NKAIN2: variants seen among roughly 807,000 people sequenced by gnomAD.
NKAIN2 encodes the protein sodium/potassium-transporting ATPase subunit beta-1-interacting protein 2.
Under a neutral mutation model 32.6 loss-of-function variants are expected in NKAIN2, and 14 were observed. That is an observed-to-expected ratio of 0.43 (90% CI 0.28 to 0.67). The LOEUF (loss-of-function observed/expected upper bound fraction) is 0.67. NKAIN2 is among the 30% of genes least tolerant of loss of function. NKAIN2 has a pLI of 0.17. For synonymous variants in NKAIN2, 80 were observed against 87.2 expected (o/e 0.92, Z 0.46); for missense variants, 198 against 258.3 (o/e 0.77, Z 1.60).
Position 123,827,168 on chromosome 6 carries a change from T to G in NKAIN2, c.54+22914T>G, listed in dbSNP as rs577342813. On this transcript the variant is annotated intron_variant, in intron 1 of 6. Transcript: ENST00000368417. Reference sequence around the variant, plus strand: ...ATGGAGAAATGTCTATTCAAGTCCTTTTCTATTTTTTAATCAACTTTTTGT... The same window carrying G: ...ATGGAGAAATGTCTATTCAAGTCCTGTTCTATTTTTTAATCAACTTTTTGT... Among the ~76,000 whole-genome samples the G allele has an allele frequency of 8.8e-4, 134 of 152,272 alleles. 1 individual carries two copies. Among genetic ancestry groups the G allele is most frequent in the African/African-American group, 3.0e-3 (126 of 41,568 alleles).
chr6:124,542,537 C>T (rs1353397353), intron 3 of NKAIN2, among the ~76,000 whole-genome samples: 2 of 152,144 alleles, frequency 1.3e-5, no homozygotes, highest in African/African-American at 2.4e-5. Flanking sequence ...CTTCTGATTA[C>T]AAGCACTGTT....
chr6:124,462,118 C>T lies in NKAIN2; in HGVS notation c.273+106771C>T, dbSNP rs79354340. On this transcript the variant is annotated intron_variant, in intron 3 of 6. Coordinates refer to ENST00000368417, the MANE Select transcript of NKAIN2 (RefSeq NM_001040214.3). ...TTGGAATAAATCTATCTTCTACAGTCTTAGCTCCGTGAGGGGATACAGCTT... is the reference window on the plus strand; with the variant it reads ...TTGGAATAAATCTATCTTCTACAGTTTTAGCTCCGTGAGGGGATACAGCTT... Among the ~76,000 whole-genome samples the T allele has an allele frequency of 2.4e-3, 362 of 151,908 alleles. 1 individual carries two copies. Among genetic ancestry groups the T allele is most frequent in the African/African-American group, 8.4e-3 (347 of 41,528 alleles).
intron 3 of NKAIN2, among the ~76,000 whole-genome samples, chr6:124,560,511 G>A (rs1780650146): frequency 6.6e-6 from 1 of 152,150 alleles, no homozygotes; most frequent in South Asian, 2.1e-4. Context: ...TGCCATTCTG[G>A]GTTTGAATCT....
chr6:124,560,862 A>G (rs1196639577), intron 3 of NKAIN2, among the ~76,000 whole-genome samples: 1 of 152,218 alleles, frequency 6.6e-6, no homozygotes, highest in African/African-American at 2.4e-5. Flanking sequence ...TATCATTACT[A>G]TAGTGCCCAG....
intron 1 of NKAIN2, among the ~76,000 whole-genome samples, chr6:124,261,015 G>A (rs187702398): frequency 3.3e-5 from 5 of 152,232 alleles, no homozygotes; most frequent in South Asian, 2.1e-4. Context: ...AGGACTGCCC[G>A]CAAGAAATTC....
intron 3 of NKAIN2, among the ~76,000 whole-genome samples, chr6:124,533,762 C>T (rs941868105): frequency 1.3e-5 from 2 of 152,110 alleles, no homozygotes; most frequent in African/African-American, 4.8e-5. Flanking sequence ...GAATGAGTGG[C>T]CTAAGTAACA....
In NKAIN2 at chr6:124,282,930, A is replaced by T. The variant is rs1582985778; in HGVS notation, c.55-75A>T. On this transcript the variant is annotated intron_variant, in intron 1 of 6. Transcript: ENST00000368417. ...ATAAGTGCTAATTATGTTATTAATA[A>T]TTTTATCCTTTTTTCCTCTCACCAC... is the stretch of plus-strand genomic sequence containing the variant. 24 of 1,296,620 alleles carry T rather than the reference A, an allele frequency of 1.9e-5. No homozygotes were observed. The East Asian group carries it at 5.6e-4, about 30-fold the overall frequency. 80.3% of individuals were successfully genotyped at this position (1,296,620 alleles called of 1,614,324 possible).
intron 1 of NKAIN2, among the ~76,000 whole-genome samples, chr6:124,212,334 G>A (rs1791226682): frequency 6.6e-6 from 1 of 152,034 alleles, no homozygotes; most frequent in Admixed American, 6.6e-5. Flanking sequence ...ACAAAAAAAG[G>A]GTTGCCTTAA....
At chr6:124,167,309 GCTCT>G (rs1330400540) in intron 1 of NKAIN2, among the ~76,000 whole-genome samples, 2 of 150,026 alleles carry the variant, frequency 1.3e-5, no homozygotes, top group African/African-American at 2.4e-5. Flanking sequence ...TCATGATTTG[GCTCT>G]CTGTTTGTCT....
chr6:124,711,616 CCTGAGGCTT>C, intron 4 of NKAIN2, among the ~76,000 whole-genome samples: 1 of 150,896 alleles, frequency 6.6e-6, no homozygotes, highest in Non-Finnish European at 1.5e-5. Context: ...CGCATCGGCT[CCTGAGGCTT>C]CTGCATTCTT....
At chr6:124,740,316 C>T (rs187454068) in intron 4 of NKAIN2, among the ~76,000 whole-genome samples, 128 of 151,710 alleles carry the variant, frequency 8.4e-4, no homozygotes, top group African/African-American at 2.9e-3. Context: ...ATTTACTGAG[C>T]GCCTACTAAA....
rs182672118 is a variant in NKAIN2, at chr6:124,480,032, A to C, written c.273+124685A>C. Among the ~76,000 whole-genome samples, 9 of 152,342 alleles carry C rather than the reference A, an allele frequency of 5.9e-5. No homozygotes were observed. The East Asian group carries it at 1.3e-3, about 23-fold the overall frequency. ...ATGCATTCTGCATCAAACAGATTGC[A>C]GAGGAAAATACAATCTTATTTTAGA... On this transcript the variant is annotated intron_variant, in intron 3 of 6. Coordinates refer to ENST00000368417, the MANE Select transcript of NKAIN2 (RefSeq NM_001040214.3).
At chr6:124,766,240 G>C (rs1778508260) in intron 4 of NKAIN2, among the ~76,000 whole-genome samples, 2 of 152,136 alleles carry the variant, frequency 1.3e-5, no homozygotes, top group Non-Finnish European at 2.9e-5. Flanking sequence ...TGTTCTCTAA[G>C]ACCCTCGTTT....
intron 5 of NKAIN2, among the ~76,000 whole-genome samples, chr6:124,793,677 C>CT (rs201022123): frequency 0.38 from 52,343 of 138,072 alleles, 10,653 homozygotes; most frequent in Non-Finnish European, 0.45. Context: ...AGACATACTG[C>CT]TCAAAAAAAA....
chr6:123,876,615 T>C (rs917095117), intron 1 of NKAIN2, among the ~76,000 whole-genome samples: 2 of 152,168 alleles, frequency 1.3e-5, no homozygotes, highest in African/African-American at 4.8e-5. Context: ...CCAGTGCCAG[T>C]CTGAAGGCCT....
At chr6:124,135,371 T>C (rs942363352) in intron 1 of NKAIN2, among the ~76,000 whole-genome samples, 3 of 151,960 alleles carry the variant, frequency 2.0e-5, no homozygotes, top group African/African-American at 7.3e-5. Context: ...ATCTGCTATC[T>C]TCAAGAGACT....
chr6:124,715,361 C>A (rs1775699704), intron 4 of NKAIN2, among the ~76,000 whole-genome samples: 1 of 152,126 alleles, frequency 6.6e-6, no homozygotes, highest in South Asian at 2.1e-4. Context: ...TGCTCCAGGA[C>A]CTCATTGTTC....
intron 6 of NKAIN2, among the ~76,000 whole-genome samples, chr6:124,819,580 A>G (rs954737679): frequency 6.6e-6 from 1 of 152,138 alleles, no homozygotes; most frequent in South Asian, 2.1e-4. Flanking sequence ...TGCAAGTATG[A>G]CCTGTTAAGT....
intron 1 of NKAIN2, among the ~76,000 whole-genome samples, chr6:124,052,828 C>T (rs1782472206): frequency 6.6e-6 from 1 of 151,986 alleles, no homozygotes; most frequent in South Asian, 2.1e-4. Context: ...ATATGTGAGA[C>T]AGATGTTTAT....
Sources: gnomAD v4.1 joint callset for allele counts (sites outside exome capture counted in the v4.1 genomes callset) on GRCh38, gnomAD v4.1.1 for gene constraint, MANE v1.5 for transcripts, NCBI Gene and HGNC (gene_info 2026-07-23, HGNC 2026-07-21) for gene names.